ANKRD33B: variants seen among roughly 807,000 people sequenced by gnomAD.
ANKRD33B encodes ankyrin repeat domain 33B, also known as ankyrin repeat domain-containing protein 33B.
A neutral mutation model predicts 21.5 loss-of-function variants in ANKRD33B; 6 were observed. The observed-to-expected ratio is 0.28, with a 90% CI of 0.15 to 0.55. The LOEUF (loss-of-function observed/expected upper bound fraction) is 0.55, where lower values mean the gene tolerates loss of function less well. Ranked by LOEUF, ANKRD33B falls within the 20% of genes least tolerant of loss-of-function variation. The pLI is 0.94. For synonymous variants in ANKRD33B, 347 were observed against 342.4 expected (o/e 1.01, Z -0.15); for missense variants, 698 against 747.2 (o/e 0.93, Z 0.77).
At chr5:10,600,979 A>G (rs1735916500) in intron 1 of ANKRD33B, among the ~76,000 whole-genome samples, 1 of 152,148 alleles carries the variant, frequency 6.6e-6, no homozygotes. Context: ...AAGTTAGAAG[A>G]CATTAATGAA....
chr5:10,639,851 ACGCGG>A (rs1175460483), intron 3 of ANKRD33B, among the ~76,000 whole-genome samples: 2 of 17,258 alleles, frequency 1.2e-4, no homozygotes, highest in Non-Finnish European at 2.7e-4. Context: ...TTAGCGGGTG[ACGCGG>A]CGTTGCGCGG....
intron 2 of ANKRD33B, among the ~76,000 whole-genome samples, chr5:10,630,953 G>A (rs924391382): frequency 6.6e-5 from 10 of 152,030 alleles, no homozygotes; most frequent in African/African-American, 2.4e-4. Flanking sequence ...CTGTCTCCTC[G>A]ATTCTTCTAG....
intron 2 of ANKRD33B, among the ~76,000 whole-genome samples, chr5:10,623,793 G>A (rs1447998318): frequency 6.6e-6 from 1 of 152,222 alleles, no homozygotes; most frequent in Non-Finnish European, 1.5e-5. Context: ...CAGCATCACA[G>A]CTGGAAACCT....
rs966664065 is a variant in ANKRD33B, at chr5:10,650,775, C to G, written c.*662C>G. 2 of 152,356 alleles carry G rather than the reference C, an allele frequency of 1.3e-5. No homozygotes were observed. The highest frequency in any genetic ancestry group is 4.8e-5 in the African/African-American group (2 of 41,454). 9.4% of individuals were successfully genotyped at this position (152,356 alleles called of 1,614,324 possible). On this transcript the variant is annotated 3_prime_UTR_variant, in exon 4 of 4. Transcript: ENST00000296657. Reference sequence around the variant, plus strand: ...CAGATGTTACTGTATCTTTTTAAAACTCTTATCCATATAGTAATATATTGA... The same window carrying G: ...CAGATGTTACTGTATCTTTTTAAAAGTCTTATCCATATAGTAATATATTGA...
intron 2 of ANKRD33B, chr5:10,624,812 C>T (rs1256554418): frequency 6.6e-6 from 3 of 456,664 alleles, no homozygotes; most frequent in Non-Finnish European, 1.3e-5. Flanking sequence ...TGGGCTGGCT[C>T]ATGTGAGCAT....
At chr5:10,613,832 G>A (rs982672149) in intron 1 of ANKRD33B, among the ~76,000 whole-genome samples, 22 of 151,650 alleles carry the variant, frequency 1.5e-4, no homozygotes, top group Non-Finnish European at 2.7e-4. Context: ...CCCAGGAGGC[G>A]GAGGTTGCAG....
At position 10,619,875 on chromosome 5, in the gene ANKRD33B, C is replaced by G. The variant is rs1043125206; in HGVS notation, c.496+1413C>G. Among the ~76,000 whole-genome samples the G allele has an allele frequency of 6.6e-6, 1 of 152,134 alleles. No individual in the cohort carries two copies. The highest frequency in any genetic ancestry group is 1.5e-5 in the Non-Finnish European group (1 of 68,038). ...ACGAAGCCCAGCACCATCTGTCTGC[C>G]GGAGCTTGGTGCTGTGGGATGAGAA... is the stretch of plus-strand genomic sequence containing the variant. On this transcript the variant is annotated intron_variant, in intron 2 of 3. Transcript: ENST00000296657. The surrounding 1 kb of genome is among the most constrained non-coding windows in gnomAD (Gnocchi z 4.5).
At chr5:10,574,415 A>G (rs975243272) in intron 1 of ANKRD33B, among the ~76,000 whole-genome samples, 5 of 152,140 alleles carry the variant, frequency 3.3e-5, no homozygotes, top group African/African-American at 1.2e-4. Flanking sequence ...TTTTTTCTAG[A>G]TCTAACACAA....
intron 1 of ANKRD33B, among the ~76,000 whole-genome samples, chr5:10,609,828 G>A (rs1410848482): frequency 2.6e-5 from 4 of 152,196 alleles, no homozygotes; most frequent in African/African-American, 9.7e-5. Flanking sequence ...AGAATCGCTT[G>A]AACCCAGGAG....
At position 10,640,216 on chromosome 5, in the gene ANKRD33B, G is replaced by A. The variant is rs535344320; in HGVS notation, c.637+2048G>A. ...AACGTGGTATTGCATGGTGATGTGTGTGGCAATTTCCGTTTTCTATGCTGT... is the reference window on the plus strand; with the variant it reads ...AACGTGGTATTGCATGGTGATGTGTATGGCAATTTCCGTTTTCTATGCTGT... On this transcript the variant is annotated intron_variant, in intron 3 of 3. Coordinates refer to ENST00000296657, the MANE Select transcript of ANKRD33B (RefSeq NM_001164440.2). 1.6e-4 allele frequency among the ~76,000 whole-genome samples: 25 copies of A among 152,326 alleles called. No individual in the cohort carries two copies. In the South Asian group the frequency reaches 5.2e-3, roughly 32 times the overall value.
intron 1 of ANKRD33B, among the ~76,000 whole-genome samples, chr5:10,574,510 G>A (rs571354075): frequency 6.6e-6 from 1 of 151,974 alleles, no homozygotes; most frequent in African/African-American, 2.4e-5. Flanking sequence ...CAAAATTTGT[G>A]GGGAAAAGCA....
intron 2 of ANKRD33B, among the ~76,000 whole-genome samples, chr5:10,622,012 CAGG>C (rs1031424994): frequency 1.3e-5 from 2 of 152,234 alleles, no homozygotes; most frequent in African/African-American, 4.8e-5. Flanking sequence ...TGCCTGCAAA[CAGG>C]AGGAGGAGCC....
At chr5:10,593,053 CA>C (rs1458014714) in intron 1 of ANKRD33B, among the ~76,000 whole-genome samples, 1 of 152,150 alleles carries the variant, frequency 6.6e-6, no homozygotes, top group African/African-American at 2.4e-5. Flanking sequence ...ACCCCGTATC[CA>C]CCCCTCATAT....
intron 1 of ANKRD33B, among the ~76,000 whole-genome samples, chr5:10,595,838 C>T (rs1187626606): frequency 1.3e-5 from 2 of 152,156 alleles, no homozygotes; most frequent in African/African-American, 2.4e-5. Context: ...AAATCTCTGT[C>T]CATCATCCAT....
rs1332546130 is a variant in ANKRD33B, at chr5:10,655,726, T to C, written c.*5613T>C. On this transcript the variant is annotated 3_prime_UTR_variant, in exon 4 of 4. Coordinates refer to ENST00000296657, the MANE Select transcript of ANKRD33B (RefSeq NM_001164440.2). The stretch of plus-strand genomic sequence containing the variant: ...AGTATTTGGGGAAATTCTAACACAT[T>C]TCCCGGGGATTTGCCCAGGTCCCTC... 1 of 152,304 alleles carries C rather than the reference T, an allele frequency of 6.6e-6. No homozygotes were observed. Among genetic ancestry groups the C allele is most frequent in the Non-Finnish European group, 1.5e-5 (1 of 68,048 alleles). The allele number at this position is 152,304 out of a possible 1,614,324, so 9.4% of individuals were successfully genotyped here. A position where few individuals can be genotyped will look rare whatever the true frequency, so the allele number is the denominator to read the frequency against.
At chr5:10,607,933 A>G (rs1437093468) in intron 1 of ANKRD33B, among the ~76,000 whole-genome samples, 10 of 152,196 alleles carry the variant, frequency 6.6e-5, no homozygotes, top group Admixed American at 6.5e-4. Context: ...CAGCCTGAGC[A>G]TGTCGTCTTA....
At chr5:10,617,758 C>G (rs1371634736) in intron 1 of ANKRD33B, among the ~76,000 whole-genome samples, 2 of 152,228 alleles carry the variant, frequency 1.3e-5, no homozygotes, top group Non-Finnish European at 2.9e-5. Flanking sequence ...TTCTCACTCA[C>G]TCTGCTCTAG....
chr5:10,649,903 GGTCCGA>G lies in ANKRD33B; in HGVS notation c.1279_1284del (p.Arg427_Val428del). 1 of 1,516,940 alleles carries G rather than the reference GGTCCGA, an allele frequency of 6.6e-7. No individual in the cohort carries two copies. The highest frequency in any genetic ancestry group is 8.8e-7 in the Non-Finnish European group (1 of 1,138,224). 94.0% of individuals were successfully genotyped at this position (1,516,940 alleles called of 1,614,324 possible). On this transcript the variant is annotated inframe_deletion, in exon 4 of 4. Coordinates refer to ENST00000296657, the MANE Select transcript of ANKRD33B (RefSeq NM_001164440.2). The stretch of plus-strand genomic sequence containing the variant: ...TGCGGCCCGGTGTGGTGGTGCCCCG[GGTCCGA>G]GTCAGCAAGGCGCCCGCGCCCACCT...
chr5:10,595,947 C>T (rs1480085874), intron 1 of ANKRD33B, among the ~76,000 whole-genome samples: 1 of 152,164 alleles, frequency 6.6e-6, no homozygotes, highest in Non-Finnish European at 1.5e-5. Flanking sequence ...CCTGGAATTA[C>T]GTGTCCCAGG....
Sources: allele counts gnomAD v4.1 joint callset (sites outside exome capture counted in the v4.1 genomes callset), GRCh38; gene constraint gnomAD v4.1.1; non-coding constraint Gnocchi (gnomAD v3.1); transcripts MANE v1.5; gene names NCBI Gene and HGNC (gene_info 2026-07-23, HGNC 2026-07-21).